Variants in AKR1C8 observed in about 807,000 individuals in gnomAD.
The protein encoded by AKR1C8 is aldo-keto reductase family 1 member C-like protein 1.
the AKR1C8 span, among the ~76,000 whole-genome samples, chr10:5,130,086 C>T: frequency 1.1e-3 from 161 of 151,858 alleles, no homozygotes; most frequent in Non-Finnish European, 2.0e-3. Context: ...CAAGTGGGTT[C>T]CATCCCAAGG....
chr10:5,173,243 A>G, the AKR1C8 span, among the ~76,000 whole-genome samples: 34 of 152,338 alleles, frequency 2.2e-4, no homozygotes, highest in South Asian at 8.3e-4. Context: ...AGATTGATGA[A>G]GAGAAAAATA....
At chr10:5,162,849 T>G in the AKR1C8 span, 13 of 532,414 alleles carry the variant, frequency 2.4e-5, no homozygotes, top group African/African-American at 1.9e-4. Context: ...CACAGAACTT[T>G]CACCTTGATG....
the AKR1C8 span, among the ~76,000 whole-genome samples, chr10:5,145,505 A>G: frequency 6.6e-6 from 1 of 152,178 alleles, no homozygotes; most frequent in Non-Finnish European, 1.5e-5. Context: ...TACAAGAAAA[A>G]AAACAAACAA....
the AKR1C8 span, among the ~76,000 whole-genome samples, chr10:5,147,072 C>T: frequency 7.9e-5 from 12 of 152,218 alleles, no homozygotes; most frequent in African/African-American, 2.4e-4. Context: ...CTGGTGAGGG[C>T]CCCAGGCTGC....
At chr10:5,178,219 G>A in the AKR1C8 span, among the ~76,000 whole-genome samples, 1 of 152,156 alleles carries the variant, frequency 6.6e-6, no homozygotes, top group Non-Finnish European at 1.5e-5. Flanking sequence ...CTTTATTTCT[G>A]CTTTCATTTC....
chr10:5,165,271 T>C, the AKR1C8 span, among the ~76,000 whole-genome samples: 5 of 152,236 alleles, frequency 3.3e-5, no homozygotes, highest in South Asian at 6.2e-4. Flanking sequence ...TAGTTTTTTT[T>C]CCACTGTGGA....
At chr10:5,125,565 G>A in the AKR1C8 span, among the ~76,000 whole-genome samples, 1 of 152,142 alleles carries the variant, frequency 6.6e-6, no homozygotes, top group Non-Finnish European at 1.5e-5. Context: ...TCCCTGGGTA[G>A]AATAACATTG....
chr10:5,165,009 G>A, the AKR1C8 span, among the ~76,000 whole-genome samples: 3 of 152,112 alleles, frequency 2.0e-5, no homozygotes, highest in African/African-American at 7.2e-5. Flanking sequence ...CAGTGTTGTA[G>A]TAATCAGGAA....
chr10:5,144,098 C>A, the AKR1C8 span, among the ~76,000 whole-genome samples: 1 of 152,110 alleles, frequency 6.6e-6, no homozygotes, highest in Non-Finnish European at 1.5e-5. Context: ...ATATGGCTAG[C>A]CAGTTTTCCC....
chr10:5,178,086 A>G, the AKR1C8 span, among the ~76,000 whole-genome samples: 3 of 152,002 alleles, frequency 2.0e-5, no homozygotes, highest in Non-Finnish European at 4.4e-5. Context: ...TGTCAATTTT[A>G]GATCTTTCCT....
the AKR1C8 span, among the ~76,000 whole-genome samples, chr10:5,136,966 T>C: frequency 4.7e-3 from 709 of 152,180 alleles, 14 homozygotes; most frequent in African/African-American, 0.016. Context: ...ATAAAGCAAA[T>C]ACCACAATAA....
chr10:5,137,606 C>T, the AKR1C8 span, among the ~76,000 whole-genome samples: 2 of 152,052 alleles, frequency 1.3e-5, no homozygotes, highest in Non-Finnish European at 2.9e-5. Flanking sequence ...TATGACAAAC[C>T]CACAGCCAAT....
the AKR1C8 span, among the ~76,000 whole-genome samples, chr10:5,165,164 G>A: frequency 6.6e-6 from 1 of 152,122 alleles, no homozygotes; most frequent in African/African-American, 2.4e-5. Context: ...TTCACCACGA[G>A]TGAATACCCT....
At chr10:5,116,297 T>C in the AKR1C8 span, among the ~76,000 whole-genome samples, 1 of 152,070 alleles carries the variant, frequency 6.6e-6, no homozygotes, top group Non-Finnish European at 1.5e-5. Context: ...TTCAGTTTAA[T>C]GGAATTGTCA....
At chr10:5,143,740 T>C in the AKR1C8 span, among the ~76,000 whole-genome samples, 1 of 148,204 alleles carries the variant, frequency 6.7e-6, no homozygotes, top group African/African-American at 2.4e-5. Flanking sequence ...AATATCTATA[T>C]ATTTATATCT....
chr10:5,123,574 C>T, the AKR1C8 span: 3 of 774,174 alleles, frequency 3.9e-6, no homozygotes, highest in Non-Finnish European at 6.1e-6. Flanking sequence ...AGCAGCATCA[C>T]CTGGGATCTC....
chr10:5,148,865 T>C, the AKR1C8 span, among the ~76,000 whole-genome samples: 3 of 152,066 alleles, frequency 2.0e-5, no homozygotes, highest in Admixed American at 6.6e-5. Flanking sequence ...CTCATTCCTA[T>C]GTCATACCAG....
the AKR1C8 span, among the ~76,000 whole-genome samples, chr10:5,122,714 C>T: frequency 7.9e-5 from 12 of 152,234 alleles, no homozygotes; most frequent in East Asian, 1.9e-3. Flanking sequence ...CAAGCAAACA[C>T]AGCTGCAAAT....
the AKR1C8 span, among the ~76,000 whole-genome samples, chr10:5,145,566 A>G: frequency 6.6e-6 from 1 of 152,256 alleles, no homozygotes. Flanking sequence ...TCAAAAGAAG[A>G]CATTTATGCA....
Sources: gnomAD v4.1 joint callset for allele counts (sites outside exome capture counted in the v4.1 genomes callset) on GRCh38, gnomAD v4.1.1 for gene constraint, MANE v1.5 for transcripts, NCBI Gene and HGNC (gene_info 2026-07-23, HGNC 2026-07-21) for gene names.